SOX5: variants seen among roughly 807,000 people sequenced by gnomAD.
SOX5 encodes transcription factor SOX-5.
Under a neutral mutation model 92.0 loss-of-function variants are expected in SOX5, and 9 were observed. The observed-to-expected ratio is 0.10, with a 90% CI of 0.06 to 0.17. The LOEUF is 0.17. SOX5 is among the 10% of genes least tolerant of loss of function. The probability of loss-of-function intolerance (pLI) is 1.00; values close to 1 mark genes in which losing one functional copy is unlikely to be tolerated. For synonymous variants in SOX5, 344 were observed against 336.3 expected (o/e 1.02, Z -0.25); for missense variants, 642 against 944.5 (o/e 0.68, Z 4.20).
chr12:23,640,974 T>C, intron 7 of SOX5, 77 bp from the exon 8 acceptor site: 7 of 978,096 alleles, frequency 7.2e-6, no homozygotes, highest in Admixed American at 2.3e-5. Flanking sequence ...GCATTCACTC[T>C]TTCCAAAAGC....
intron 6 of SOX5, among the ~76,000 whole-genome samples, chr12:23,714,717 T>C (rs1199189480): frequency 2.0e-5 from 3 of 152,204 alleles, no homozygotes. Context: ...ATAACTTGAT[T>C]TAATATACAT....
exon 1 of SOX5, chr12:24,562,452 GTGTGTGTGTC>G (rs1327907927): frequency 6.6e-6 from 1 of 152,552 alleles, no homozygotes; most frequent in African/African-American, 2.4e-5. Context: ...TTCACTCTGT[GTGTGTGTGTC>G]TGTGTGTGTG....
intron 9 of SOX5, 111 bp from the exon 10 acceptor site, chr12:23,575,949 G>C: frequency 2.6e-6 from 2 of 759,572 alleles, no homozygotes; most frequent in Non-Finnish European, 4.2e-6. Context: ...CTACCAATCA[G>C]TGATCTTAAC....
At chr12:23,753,200 C>G (rs777012684) in intron 4 of SOX5, among the ~76,000 whole-genome samples, 2 of 151,828 alleles carry the variant, frequency 1.3e-5, no homozygotes, top group Middle Eastern at 3.4e-3. Flanking sequence ...AGAAACACTT[C>G]TCTAAACCCT....
intron 1 of SOX5, among the ~76,000 whole-genome samples, chr12:23,907,199 C>T (rs1014569730): frequency 1.2e-4 from 18 of 151,460 alleles, no homozygotes; most frequent in East Asian, 1.9e-4. Flanking sequence ...TGTGTGCACA[C>T]GTGCGTGCAG....
At chr12:24,338,832 C>T (rs888770562) in intron 2 of SOX5, among the ~76,000 whole-genome samples, 3 of 152,254 alleles carry the variant, frequency 2.0e-5, no homozygotes, top group East Asian at 1.9e-4. Flanking sequence ...CCTCCTTCGC[C>T]TTCCATCATG....
intron 3 of SOX5, among the ~76,000 whole-genome samples, chr12:23,820,256 C>A (rs184053724): frequency 2.1e-3 from 321 of 152,220 alleles, no homozygotes; most frequent in Middle Eastern, 3.4e-3. Flanking sequence ...ATATCCTTTG[C>A]CCACTTTTTG....
chr12:24,537,427 C>T (rs1392606829), intron 1 of SOX5, among the ~76,000 whole-genome samples: 2 of 152,160 alleles, frequency 1.3e-5, no homozygotes, highest in Non-Finnish European at 2.9e-5. Context: ...TTTTTAATGT[C>T]TAAGAATCTT....
intron 1 of SOX5, among the ~76,000 whole-genome samples, chr12:23,909,604 C>T (rs1172774880): frequency 6.6e-6 from 1 of 152,138 alleles, no homozygotes; most frequent in Non-Finnish European, 1.5e-5. Context: ...GGTACTCAGT[C>T]TGCCATCTTT....
intron 1 of SOX5, among the ~76,000 whole-genome samples, chr12:24,432,813 A>C (rs1938620271): frequency 6.6e-6 from 1 of 152,206 alleles, no homozygotes; most frequent in South Asian, 2.1e-4. Flanking sequence ...TGTCTAAAAA[A>C]AACATCCAGG....
intron 3 of SOX5, among the ~76,000 whole-genome samples, chr12:23,784,657 A>G (rs772623709): frequency 1.9e-4 from 29 of 152,172 alleles, no homozygotes; most frequent in Non-Finnish European, 4.3e-4. Flanking sequence ...AAATTTACAT[A>G]AAAACCAAAA....
intron 6 of SOX5, among the ~76,000 whole-genome samples, chr12:23,717,898 C>T (rs2092600776): frequency 3.9e-5 from 6 of 152,100 alleles, no homozygotes; most frequent in Admixed American, 3.9e-4. Flanking sequence ...AAAATGTCTA[C>T]CAAACTTTTC....
At chr12:23,991,051 A>T (rs950761260) in intron 4 of SOX5, among the ~76,000 whole-genome samples, 69 of 151,888 alleles carry the variant, frequency 4.5e-4, no homozygotes, top group African/African-American at 1.5e-3. Context: ...ACTGAAAAAA[A>T]AATGTGCTAT....
At chr12:24,295,834 C>T (rs1444051954) in intron 2 of SOX5, among the ~76,000 whole-genome samples, 4 of 152,116 alleles carry the variant, frequency 2.6e-5, no homozygotes, top group Non-Finnish European at 5.9e-5. Flanking sequence ...TCCCAAAATG[C>T]TGGGTGGCAT....
At chr12:23,612,234 T>TATAC (rs546023821) in intron 8 of SOX5, among the ~76,000 whole-genome samples, 15 of 152,218 alleles carry the variant, frequency 9.9e-5, no homozygotes, top group African/African-American at 3.6e-4. Flanking sequence ...AATTTATTGA[T>TATAC]ATACATTAGA....
intron 2 of SOX5, among the ~76,000 whole-genome samples, chr12:24,285,039 C>T (rs532187421): frequency 6.6e-6 from 1 of 152,060 alleles, no homozygotes; most frequent in South Asian, 2.1e-4. Context: ...GCAGGAGAAT[C>T]GCTTGAACCC....
chr12:24,425,984 G>A (rs534063002), intron 1 of SOX5, among the ~76,000 whole-genome samples: 1 of 152,222 alleles, frequency 6.6e-6, no homozygotes, highest in East Asian at 1.9e-4. Context: ...TTAGCCCTCA[G>A]TGAGAAACAC....
chr12:24,343,298 G>C (rs1952789807), intron 2 of SOX5, among the ~76,000 whole-genome samples: 1 of 152,074 alleles, frequency 6.6e-6, no homozygotes, highest in Admixed American at 6.6e-5. Context: ...CTGGATCCAT[G>C]TCATGGAAAC....
At chr12:24,462,492 G>C (rs1943752000) in intron 1 of SOX5, among the ~76,000 whole-genome samples, 1 of 152,128 alleles carries the variant, frequency 6.6e-6, no homozygotes, top group Non-Finnish European at 1.5e-5. Flanking sequence ...AACTATTTTT[G>C]TAATGTCAAG....
Sources: allele counts gnomAD v4.1 joint callset (sites outside exome capture counted in the v4.1 genomes callset), GRCh38; gene constraint gnomAD v4.1.1; transcripts MANE v1.5; gene names NCBI Gene and HGNC (gene_info 2026-07-23, HGNC 2026-07-21).